Variants in CLDN10 observed in about 807,000 individuals in gnomAD.
The protein encoded by CLDN10 is claudin-10.
In CLDN10, 15 loss-of-function variants were observed where a neutral mutation model predicts 22.9. The ratio of observed to expected loss-of-function variants is 0.65; its 90% CI spans 0.44 to 1.01. CLDN10 has a LOEUF of 1.01. Ranked by LOEUF, CLDN10 falls within the 50% of genes least tolerant of loss-of-function variation. The probability of loss-of-function intolerance (pLI) is 0.00; values close to 1 mark genes in which losing one functional copy is unlikely to be tolerated. For synonymous variants in CLDN10, 114 were observed against 111.4 expected, an observed-to-expected ratio of 1.02 and a Z score of -0.15; for missense variants, 247 against 287.8, an observed-to-expected ratio of 0.86 and a Z score of 1.03.
At chr13:95,466,136 T>C (rs1194749107) in intron 1 of CLDN10, among the ~76,000 whole-genome samples, 1 of 152,050 alleles carries the variant, frequency 6.6e-6, no homozygotes, top group Non-Finnish European at 1.5e-5. Flanking sequence ...ATATATAACA[T>C]AAAATTTGCC....
chr13:95,478,355 C>G (rs1182273704), intron 1 of CLDN10, among the ~76,000 whole-genome samples: 2 of 152,180 alleles, frequency 1.3e-5, no homozygotes, highest in Non-Finnish European at 2.9e-5. Context: ...GCACTGATCC[C>G]TGCTTCCAAA....
At chr13:95,576,637 C>T (rs2043931876) in intron 3 of CLDN10, among the ~76,000 whole-genome samples, 1 of 152,150 alleles carries the variant, frequency 6.6e-6, no homozygotes, top group African/African-American at 2.4e-5. Context: ...GAAGTACTGT[C>T]TTGTTTATCT....
intron 1 of CLDN10, among the ~76,000 whole-genome samples, chr13:95,501,651 G>A (rs754066282): frequency 6.6e-6 from 1 of 152,050 alleles, no homozygotes; most frequent in South Asian, 2.1e-4. Context: ...CTTTGAACTT[G>A]TCTGTTTCTT....
In CLDN10 at chr13:95,464,219, A is replaced by G. The variant is rs540330672; in HGVS notation, c.214+30172A>G. Among the ~76,000 whole-genome samples the G allele has an allele frequency of 2.6e-5, 4 of 152,148 alleles. No individual in the cohort carries two copies. In the South Asian group the frequency reaches 8.3e-4, roughly 32 times the overall value. On this transcript the variant is annotated intron_variant, in intron 1 of 4. Transcript: ENST00000376873. ...CTGCACCCATTAACTCGTCATTTAC[A>G]TTAGGTTTATCTCCTAATGCTATCC...
chr13:95,521,940 A>G lies in CLDN10; in HGVS notation c.215-38192A>G, dbSNP rs542513370. Among the ~76,000 whole-genome samples the G allele has an allele frequency of 8.6e-5, 13 of 151,968 alleles. No homozygotes were observed. The South Asian group carries it at 1.0e-3, about 12-fold the overall frequency. On this transcript the variant is annotated intron_variant, in intron 1 of 4. Coordinates refer to the CLDN10 transcript ENST00000376873. ...TGTTCATTTTTTTCTAAATTTTTAT[A>G]TTTATTGACCTTAAGTAATTCATGA...
intron 1 of CLDN10, among the ~76,000 whole-genome samples, chr13:95,553,238 C>T (rs2043590172): frequency 6.6e-6 from 1 of 152,140 alleles, no homozygotes; most frequent in Admixed American, 6.5e-5. Context: ...GACTCCCAGG[C>T]GTCGGGGGAT....
At chr13:95,433,895 C>T (rs755850012) in exon 1 of CLDN10, 60 of 1,614,090 alleles carry the variant, frequency 3.7e-5, no homozygotes, top group Non-Finnish European at 4.8e-5. Flanking sequence ...GCTCTCGTTG[C>T]TGCTACCACG....
chr13:95,470,835 A>T (rs2042623236), intron 1 of CLDN10, among the ~76,000 whole-genome samples: 1 of 152,120 alleles, frequency 6.6e-6, no homozygotes, highest in Non-Finnish European at 1.5e-5. Context: ...CCAACGGTGA[A>T]AGAGAAGCAA....
At chr13:95,528,879 T>A (rs1325091234) in intron 1 of CLDN10, among the ~76,000 whole-genome samples, 1 of 152,206 alleles carries the variant, frequency 6.6e-6, no homozygotes, top group Non-Finnish European at 1.5e-5. Flanking sequence ...GTTAAGTAGG[T>A]CATTAAGACA....
At chr13:95,528,672 C>T (rs1188120987) in intron 1 of CLDN10, 1 of 152,156 alleles carries the variant, frequency 6.6e-6, no homozygotes, top group East Asian at 1.9e-4. Context: ...TCCTGAAAGA[C>T]TGATAGCCAT....
At chr13:95,446,808 C>G (rs1052239673) in intron 1 of CLDN10, among the ~76,000 whole-genome samples, 1 of 151,742 alleles carries the variant, frequency 6.6e-6, no homozygotes, top group African/African-American at 2.4e-5. Context: ...TGCCACTGCA[C>G]TCCAGCCTGG....
intron 1 of CLDN10, among the ~76,000 whole-genome samples, chr13:95,441,682 CCTATTGAATCAGAAT>C (rs1356983634): frequency 2.6e-5 from 4 of 152,184 alleles, no homozygotes; most frequent in Non-Finnish European, 5.9e-5. Flanking sequence ...CCACTACAGA[CCTATTGAATCAGAAT>C]CTGCAATTTT....
chr13:95,462,143 G>A (rs1410770970), intron 1 of CLDN10, among the ~76,000 whole-genome samples: 1 of 152,116 alleles, frequency 6.6e-6, no homozygotes, highest in Non-Finnish European at 1.5e-5. Flanking sequence ...AAACCCTATT[G>A]AAGAATTTTG....
At chr13:95,542,914 C>G (rs1248157621) in intron 1 of CLDN10, among the ~76,000 whole-genome samples, 1 of 152,124 alleles carries the variant, frequency 6.6e-6, no homozygotes, top group Non-Finnish European at 1.5e-5. Flanking sequence ...GTAAAGCAAA[C>G]ACCAGTATAT....
At chr13:95,471,842 C>T (rs1284789094) in intron 1 of CLDN10, among the ~76,000 whole-genome samples, 1 of 151,958 alleles carries the variant, frequency 6.6e-6, no homozygotes, top group Non-Finnish European at 1.5e-5. Context: ...CAGCCTCAGC[C>T]TCTGGGGCTC....
At chr13:95,476,274 A>T (rs1299410110) in intron 1 of CLDN10, among the ~76,000 whole-genome samples, 3 of 152,158 alleles carry the variant, frequency 2.0e-5, no homozygotes, top group Non-Finnish European at 4.4e-5. Flanking sequence ...AGATCGGGTA[A>T]CTCATAGACA....
rs186600070 is a variant in CLDN10 at position 95,506,991 on chromosome 13, C to T, written c.215-53141C>T. On this transcript the variant is annotated intron_variant, in intron 1 of 4. Coordinates refer to the CLDN10 transcript ENST00000376873. ...GGGTATTTAGATCCTTGTTTTCTCA[C>T]TGTGGTCCTTGGATGATACCATCCT... Among the ~76,000 whole-genome samples the T allele has an allele frequency of 9.3e-4, 141 of 152,274 alleles. 1 individual carries two copies. Among genetic ancestry groups the T allele is most frequent in the Admixed American group, 3.9e-3 (60 of 15,296 alleles).
At chr13:95,435,700 C>T (rs1324635407) in intron 1 of CLDN10, among the ~76,000 whole-genome samples, 1 of 152,164 alleles carries the variant, frequency 6.6e-6, no homozygotes, top group Non-Finnish European at 1.5e-5. Context: ...CTCTGCACCT[C>T]TTACAATCGT....
rs191099882 is a variant in CLDN10 at position 95,443,544 on chromosome 13, G to T, written c.214+9497G>T. Among the ~76,000 whole-genome samples, 3 of 152,312 alleles carry T rather than the reference G, an allele frequency of 2.0e-5. No individual in the cohort carries two copies. The East Asian group carries it at 5.8e-4, about 29-fold the overall frequency. On this transcript the variant is annotated intron_variant, in intron 1 of 4. Transcript: ENST00000376873. ...AGGGAAGAACCACGGTCATTCAGGA[G>T]CTGGGTGGGAAACCATGTTCCTGAG...
Sources: allele counts gnomAD v4.1 joint callset (sites outside exome capture counted in the v4.1 genomes callset), GRCh38; gene constraint gnomAD v4.1.1; transcripts MANE v1.5; gene names NCBI Gene and HGNC (gene_info 2026-07-23, HGNC 2026-07-21).